Variants in CHRND observed in about 807,000 individuals in gnomAD.
The protein encoded by CHRND is acetylcholine receptor subunit delta.
In CHRND, 40 loss-of-function variants were observed where a neutral mutation model predicts 57.8. That is an observed-to-expected ratio of 0.69 (90% CI 0.54 to 0.90). CHRND has a LOEUF of 0.90. Ranked by LOEUF, CHRND falls within the 40% of genes least tolerant of loss-of-function variation. The probability of loss-of-function intolerance (pLI) is 0.00; values close to 1 mark genes in which losing one functional copy is unlikely to be tolerated. For missense variants in CHRND, 634 were observed against 673.9 expected (o/e 0.94, Z 0.66); for synonymous variants, 237 against 270.6 (o/e 0.88, Z 1.22).
At chr2:232,531,258 C>T in intron 7 of CHRND, 94 bp from the exon 8 acceptor site, 2 of 859,950 alleles carry the variant, frequency 2.3e-6, no homozygotes, top group Non-Finnish European at 4.0e-6. Flanking sequence ...TGCCAGGGGC[C>T]ACAGCGGGAC....
rs1029771436 is a variant in CHRND at position 232,533,617 on chromosome 2, C to T, written c.1048-314C>T. On this transcript the variant is annotated intron_variant, in intron 9 of 11. Transcript: ENST00000258385. ...GCCTTTTTGGCCAGACACGGTGCCT[C>T]GCCCGTAATCCCAGCACTTTGGGAG... Among the ~76,000 whole-genome samples, 7 of 152,292 alleles carry T rather than the reference C, an allele frequency of 4.6e-5. 1 individual carries two copies. Among genetic ancestry groups the T allele is most frequent in the Non-Finnish European group, 1.5e-5 (1 of 68,036 alleles).
intron 11 of CHRND, 95 bp downstream of exon 11, chr2:232,534,437 C>A: frequency 1.6e-6 from 2 of 1,225,596 alleles, no homozygotes; most frequent in Non-Finnish European, 2.4e-6. Context: ...CTTAGAGGCA[C>A]ACACCAACTT....
Position 232,530,148 on chromosome 2 carries a change from C to T in CHRND, c.820+9C>T, listed in dbSNP as rs1691632570. 1 of 1,613,770 alleles carries T rather than the reference C, an allele frequency of 6.2e-7. No homozygotes were observed. Among genetic ancestry groups the T allele is most frequent in the Non-Finnish European group, 8.5e-7 (1 of 1,179,838 alleles). On this transcript the variant is annotated intron_variant, in intron 7 of 11. Coordinates refer to ENST00000258385, the MANE Select transcript of CHRND (RefSeq NM_000751.3). ...CTACCTACCGGCTGACAGTGAGCCTCCAGGCCCCGTCCCCTGCTCCCCCTC... is the reference window on the plus strand; with the variant it reads ...CTACCTACCGGCTGACAGTGAGCCTTCAGGCCCCGTCCCCTGCTCCCCCTC...
chr2:232,532,360 C>CG (rs1250964405), intron 9 of CHRND, among the ~76,000 whole-genome samples: 1 of 150,120 alleles, frequency 6.7e-6, no homozygotes, highest in African/African-American at 2.5e-5. Flanking sequence ...CCCAGCTACT[C>CG]GGGGGGCTGA....
chr2:232,531,763 A>G, intron 9 of CHRND, 107 bp downstream of exon 9: 1 of 856,468 alleles, frequency 1.2e-6, no homozygotes, highest in South Asian at 1.4e-5. Flanking sequence ...AGCCTGGGCA[A>G]CATAGAGACA....
rs1240743430 is a variant in CHRND, at chr2:232,535,173, T to C, written c.1415T>C (p.Leu472Pro). The C allele has an allele frequency of 6.2e-7, 1 of 1,614,172 alleles. No homozygotes were observed. Among genetic ancestry groups the C allele is most frequent in the East Asian group, 2.2e-5 (1 of 44,876 alleles). ...CGAGTGGCCCGCACAGTGGACCGCC[T>C]CTGCCTGTTTGTGGTGACGCCTGTC... ...WNRVARTVDR[L>P]CLFVVTPVMV... is the part of the protein sequence containing the mutation. The change falls in exon 12 of 12, where the codon CTC becomes CCC. Residue 472 changes from leucine (L) to proline (P), a missense_variant. Transcript: ENST00000258385.
Position 232,528,384 on chromosome 2 carries a change from C to T in CHRND, c.353+13C>T, listed in dbSNP as rs1574630261. On this transcript the variant is annotated intron_variant, in intron 4 of 11. Transcript: ENST00000258385. Reference sequence around the variant, plus strand: ...TGCTGGAGAACAAGTTGAGCCAAGCCCTCCCTGACCTCCCCTCTGTCACCC... The same window carrying T: ...TGCTGGAGAACAAGTTGAGCCAAGCTCTCCCTGACCTCCCCTCTGTCACCC... 2 of 1,613,764 alleles carry T rather than the reference C, an allele frequency of 1.2e-6. No individual in the cohort carries two copies. The highest frequency in any genetic ancestry group is 1.7e-6 in the Non-Finnish European group (2 of 1,179,712).
chr2:232,534,447 T>G, intron 11 of CHRND, 105 bp downstream of exon 11: 1 of 1,123,228 alleles, frequency 8.9e-7, no homozygotes, highest in Non-Finnish European at 1.3e-6. Context: ...CACACCAACT[T>G]AGATGAGGGA....
chr2:232,526,593 C>T lies in CHRND; in HGVS notation c.117C>T (p.Asn39=), dbSNP rs77084550. 1.2e-6 allele frequency: 2 copies of T among 1,613,824 alleles called. No individual in the cohort carries two copies. Among genetic ancestry groups the T allele is most frequent in the South Asian group, 1.1e-5 (1 of 91,078 alleles). ...ACCTGTTTCAAGAGAAGGGCTACAA[C>T]AAGGAGCTCCGGCCCGTGGCACACA... The part of the protein sequence containing the change: ...IRHLFQEKGY[N]KELRPVAHKE... The change falls in exon 2 of 12, where the codon AAC becomes AAT. Residue 39 remains asparagine (N), a synonymous_variant. Transcript: ENST00000258385.
In CHRND at chr2:232,529,924, A is replaced by G. The variant is rs1691619208; in HGVS notation, c.620-15A>G. 5.0e-6 allele frequency: 8 copies of G among 1,613,478 alleles called. No homozygotes were observed. Among genetic ancestry groups the G allele is most frequent in the South Asian group, 1.1e-5 (1 of 91,070 alleles). On this transcript the variant is annotated splice_polypyrimidine_tract_variant and intron_variant, in intron 6 of 11. Coordinates refer to ENST00000258385, the MANE Select transcript of CHRND (RefSeq NM_000751.3). Reference sequence around the variant, plus strand: ...GGCCTGGCCTGACCCTAAGATGTCCATGTGCCGCCCTCAGAGAACGGGGAG... The same window carrying G: ...GGCCTGGCCTGACCCTAAGATGTCCGTGTGCCGCCCTCAGAGAACGGGGAG...
In CHRND at chr2:232,535,622, G is replaced by A. The variant is rs936680297; in HGVS notation, c.*310G>A. The A allele has an allele frequency of 5.3e-6, 3 of 565,646 alleles. No homozygotes were observed. The African/African-American group carries it at 5.5e-5, about 10-fold the overall frequency. The allele number at this position is 565,646 out of a possible 1,614,324, so 35.0% of individuals were successfully genotyped here. A position where few individuals can be genotyped will look rare whatever the true frequency, so the allele number is the denominator to read the frequency against. ...CCTCAGGGGGAGAGCTCTGATAGGG[G>A]TGAGACAGATAGGGCCCCTTCTCTG... is the stretch of plus-strand genomic sequence containing the variant. On this transcript the variant is annotated 3_prime_UTR_variant, in exon 12 of 12. Transcript: ENST00000258385.
chr2:232,526,432 C>G (rs1691468903), intron 1 of CHRND, 97 bp from the exon 2 acceptor site: 1 of 1,584,910 alleles, frequency 6.3e-7, no homozygotes, highest in Non-Finnish European at 8.6e-7. Flanking sequence ...CCCCCCTGCT[C>G]ATCCCAACCT....
At position 232,526,257 on chromosome 2, in the gene CHRND, G is replaced by A. The variant is rs746207666; in HGVS notation, c.42G>A (p.Leu14=). 10 of 1,612,848 alleles carry A rather than the reference G, an allele frequency of 6.2e-6. No individual in the cohort carries two copies. The Admixed American group carries it at 1.5e-4, about 24-fold the overall frequency. ...TGACACTGGGGCTGCTGGCTGCCCT[G>A]GCGGTGTGTGGTAAGGGAAGACACC... ...PVLTLGLLAA[L]AVCGSWGLNE... Residue 14 remains leucine, a synonymous_variant, in exon 1 of 12, where the codon CTG becomes CTA. Transcript: ENST00000258385.
chr2:232,529,064 A>G, intron 6 of CHRND, 93 bp downstream of exon 6: 1 of 842,588 alleles, frequency 1.2e-6, no homozygotes, highest in South Asian at 1.4e-5. Context: ...ACGTGCACAC[A>G]CACACACACT....
intron 7 of CHRND, among the ~76,000 whole-genome samples, 167 bp from the exon 8 acceptor site, chr2:232,531,185 G>C (rs756039719): frequency 6.6e-6 from 1 of 152,142 alleles, no homozygotes; most frequent in Non-Finnish European, 1.5e-5. Context: ...GCTGATATTT[G>C]CACCCAGGCA....
intron 2 of CHRND, 103 bp from the exon 3 acceptor site, chr2:232,527,298 C>G (rs946482316): frequency 9.5e-7 from 1 of 1,047,306 alleles, no homozygotes. Flanking sequence ...TGAGCAAGAC[C>G]CTGGAAAAAA....
rs1691836988 is a variant in CHRND, at chr2:232,535,116, G to A, written c.1372-14G>A. On this transcript the variant is annotated splice_polypyrimidine_tract_variant and intron_variant, in intron 11 of 11. Coordinates refer to ENST00000258385, the MANE Select transcript of CHRND (RefSeq NM_000751.3). ...AGGCCCTTCTCACCCCACTCTCTCTGCCCCTACCCACAGGAGAAAGACAGC... is the reference window on the plus strand; with the variant it reads ...AGGCCCTTCTCACCCCACTCTCTCTACCCCTACCCACAGGAGAAAGACAGC... 1 of 1,613,656 alleles carries A rather than the reference G, an allele frequency of 6.2e-7. No individual in the cohort carries two copies. Among genetic ancestry groups the A allele is most frequent in the East Asian group, 2.2e-5 (1 of 44,888 alleles).
chr2:232,532,271 C>T (rs1691731329), intron 9 of CHRND, among the ~76,000 whole-genome samples: 1 of 151,942 alleles, frequency 6.6e-6, no homozygotes, highest in Admixed American at 6.6e-5. Context: ...AGTTCGAGAC[C>T]ACCCTGGCCA....
At chr2:232,527,511 G>A (rs976915252) in intron 3 of CHRND, 66 bp downstream of exon 3, 17 of 1,183,802 alleles carry the variant, frequency 1.4e-5, no homozygotes, top group Middle Eastern at 2.4e-4. Context: ...TTGGAAGGCC[G>A]AGGGGGGTGG....
Sources: gnomAD v4.1 joint callset for allele counts (sites outside exome capture counted in the v4.1 genomes callset) on GRCh38, gnomAD v4.1.1 for gene constraint, MANE v1.5 for transcripts, NCBI Gene and HGNC (gene_info 2026-07-23, HGNC 2026-07-21) for gene names.